The following HS6ST3 variants were observed in gnomAD, a reference collection of about 807,000 sequenced individuals.
HS6ST3 encodes heparan-sulfate 6-O-sulfotransferase 3.
Under a neutral mutation model 36.7 loss-of-function variants are expected in HS6ST3, and 12 were observed. The observed-to-expected ratio is 0.33, with a 90% CI of 0.21 to 0.53. HS6ST3 has a LOEUF of 0.53. Among genes scored for constraint, HS6ST3 ranks in the 20% least tolerant of loss-of-function variants. HS6ST3 has a pLI of 0.95. For synonymous variants in HS6ST3, 240 were observed against 257.5 expected (o/e 0.93, Z 0.65); for missense variants, 584 against 640.9 (o/e 0.91, Z 0.96).
chr13:96,335,424 C>T (rs921420058), intron 1 of HS6ST3, among the ~76,000 whole-genome samples: 4 of 152,224 alleles, frequency 2.6e-5, no homozygotes, highest in South Asian at 2.1e-4. Context: ...GCCCCTGTGA[C>T]GTGCTTGACT....
intron 1 of HS6ST3, among the ~76,000 whole-genome samples, chr13:96,474,327 G>A (rs753086376): frequency 6.6e-6 from 1 of 152,178 alleles, no homozygotes; most frequent in African/African-American, 2.4e-5. Context: ...GAAAGGTGAC[G>A]ATGGTGTATT....
chr13:96,480,618 A>C (rs1374970224), intron 1 of HS6ST3, among the ~76,000 whole-genome samples: 1 of 152,130 alleles, frequency 6.6e-6, no homozygotes, highest in Non-Finnish European at 1.5e-5. Flanking sequence ...TTGTTGTGAA[A>C]ACAGCACCAA....
At chr13:96,179,517 G>A (rs2054229030) in intron 1 of HS6ST3, among the ~76,000 whole-genome samples, 1 of 152,198 alleles carries the variant, frequency 6.6e-6, no homozygotes, top group African/African-American at 2.4e-5. Context: ...ACGAAGCTCT[G>A]TGCTGGGCCC....
chr13:96,301,634 G>A (rs1175234490), intron 1 of HS6ST3, among the ~76,000 whole-genome samples: 2 of 152,102 alleles, frequency 1.3e-5, no homozygotes, highest in Non-Finnish European at 2.9e-5. Context: ...GCTCACGCCT[G>A]TAATCCCAAC....
chr13:96,121,834 A>G (rs190428138), intron 1 of HS6ST3, among the ~76,000 whole-genome samples: 1 of 152,312 alleles, frequency 6.6e-6, no homozygotes, highest in African/African-American at 2.4e-5. Flanking sequence ...TCACAATATT[A>G]CATGTTACTC....
chr13:96,620,129 A>G (rs779094543), intron 1 of HS6ST3, among the ~76,000 whole-genome samples: 4 of 152,224 alleles, frequency 2.6e-5, no homozygotes, highest in Non-Finnish European at 2.9e-5. Context: ...ATGCCCATGC[A>G]TGACTTACCT....
intron 1 of HS6ST3, among the ~76,000 whole-genome samples, chr13:96,135,593 A>C (rs952568829): frequency 1.3e-5 from 2 of 152,220 alleles, no homozygotes; most frequent in East Asian, 1.9e-4. Context: ...ACAGGGATCC[A>C]AGTTTTTCTG....
intron 1 of HS6ST3, among the ~76,000 whole-genome samples, chr13:96,814,640 A>T (rs1377642741): frequency 6.6e-6 from 1 of 151,826 alleles, no homozygotes; most frequent in African/African-American, 2.4e-5. Flanking sequence ...TTTTTTCAAG[A>T]TGGATATTGG....
intron 1 of HS6ST3, among the ~76,000 whole-genome samples, chr13:96,450,001 C>T (rs2055719775): frequency 6.6e-6 from 1 of 152,132 alleles, no homozygotes; most frequent in Non-Finnish European, 1.5e-5. Flanking sequence ...TTTAAGAAAA[C>T]ACATCAAAGA....
intron 1 of HS6ST3, among the ~76,000 whole-genome samples, chr13:96,242,383 A>AT (rs763000265): frequency 6.6e-6 from 1 of 151,480 alleles, no homozygotes; most frequent in Non-Finnish European, 1.5e-5. Context: ...CTCCTGGATA[A>AT]TTTTTTGTCT....
chr13:96,105,361 A>G (rs918140779), intron 1 of HS6ST3, among the ~76,000 whole-genome samples: 3 of 152,188 alleles, frequency 2.0e-5, no homozygotes, highest in Non-Finnish European at 2.9e-5. Flanking sequence ...AATTTAAGTA[A>G]TATTATAGGC....
At chr13:96,191,587 C>T (rs534136458) in intron 1 of HS6ST3, among the ~76,000 whole-genome samples, 1 of 152,316 alleles carries the variant, frequency 6.6e-6, no homozygotes, top group South Asian at 2.1e-4. Context: ...TGTGCACTTA[C>T]TGCCTCTCGT....
chr13:96,297,680 A>C (rs1036957188), intron 1 of HS6ST3, among the ~76,000 whole-genome samples: 1 of 152,084 alleles, frequency 6.6e-6, no homozygotes, highest in African/African-American at 2.4e-5. Flanking sequence ...CCTCATTTGT[A>C]ATCATTTTTG....
intron 1 of HS6ST3, among the ~76,000 whole-genome samples, chr13:96,111,005 T>G (rs1051378701): frequency 6.6e-6 from 1 of 152,206 alleles, no homozygotes; most frequent in Non-Finnish European, 1.5e-5. Context: ...ACACATTGAC[T>G]AGTATAAAGA....
intron 1 of HS6ST3, among the ~76,000 whole-genome samples, chr13:96,796,546 A>T (rs112671351): frequency 1.4e-4 from 22 of 152,206 alleles, no homozygotes; most frequent in African/African-American, 5.1e-4. Context: ...CTGAGAGAAA[A>T]TTTAATACAG....
chr13:96,793,979 T>C (rs1159321358), intron 1 of HS6ST3, among the ~76,000 whole-genome samples: 2 of 152,078 alleles, frequency 1.3e-5, no homozygotes, highest in Non-Finnish European at 2.9e-5. Context: ...AAGATAATAA[T>C]GCATTTTATT....
intron 1 of HS6ST3, among the ~76,000 whole-genome samples, chr13:96,693,366 G>A (rs1875028159): frequency 1.3e-5 from 2 of 152,038 alleles, no homozygotes; most frequent in African/African-American, 2.4e-5. Context: ...GTGCAATGGC[G>A]CAACCTTGGC....
intron 1 of HS6ST3, among the ~76,000 whole-genome samples, chr13:96,373,790 G>A (rs534924885): frequency 1.3e-5 from 2 of 152,272 alleles, no homozygotes; most frequent in African/African-American, 4.8e-5. Context: ...TTTTCCCAAT[G>A]TAATCCCAGG....
intron 1 of HS6ST3, among the ~76,000 whole-genome samples, chr13:96,563,688 G>A (rs2056270888): frequency 6.6e-6 from 1 of 152,182 alleles, no homozygotes; most frequent in Admixed American, 6.6e-5. Flanking sequence ...GCAGAATCAT[G>A]TCACTCTATA....
Sources: gnomAD v4.1 joint callset for allele counts (sites outside exome capture counted in the v4.1 genomes callset) on GRCh38, gnomAD v4.1.1 for gene constraint, MANE v1.5 for transcripts, NCBI Gene and HGNC (gene_info 2026-07-23, HGNC 2026-07-21) for gene names.